IL15: variants seen among roughly 807,000 people sequenced by gnomAD.
IL15 encodes interleukin-15.
In IL15, 11 loss-of-function variants were observed where a neutral mutation model predicts 19.6. The ratio of observed to expected loss-of-function variants is 0.56; its 90% confidence interval spans 0.35 to 0.93. The LOEUF (loss-of-function observed/expected upper bound fraction) is 0.93. IL15 is among the 40% of genes least tolerant of loss of function. The pLI, the probability that IL15 is intolerant of heterozygous loss-of-function variation, is 0.01. For missense variants in IL15, 197 were observed against 186.5 expected (o/e 1.06, Z -0.33); for synonymous variants, 58 against 59.6 (o/e 0.97, Z 0.12).
At chr4:141,658,861 AT>A (rs5862540) in intron 2 of IL15, among the ~76,000 whole-genome samples, 99,355 of 136,520 alleles carry the variant, frequency 0.73, 35,338 homozygotes, top group East Asian at 0.97. Flanking sequence ...GTTTCTTGGA[AT>A]TTTTTTTTTT....
At chr4:141,675,648 C>A (rs1417824841) in intron 2 of IL15, among the ~76,000 whole-genome samples, 1 of 152,126 alleles carries the variant, frequency 6.6e-6, no homozygotes, top group African/African-American at 2.4e-5. Flanking sequence ...TTCCAAGAAA[C>A]AGAAAAGTCA....
chr4:141,670,372 C>T (rs562754174), intron 2 of IL15, among the ~76,000 whole-genome samples: 8 of 152,026 alleles, frequency 5.3e-5, no homozygotes, highest in Admixed American at 1.3e-4. Context: ...GGGTTATAGC[C>T]TTTCAAAATT....
At chr4:141,675,444 TAA>T (rs1728311668) in intron 2 of IL15, among the ~76,000 whole-genome samples, 1 of 152,180 alleles carries the variant, frequency 6.6e-6, no homozygotes. Flanking sequence ...TCCAGCACTA[TAA>T]GTCTCTGCAT....
intron 2 of IL15, among the ~76,000 whole-genome samples, chr4:141,709,075 G>GA (rs1438607659): frequency 1.0e-5 from 1 of 99,236 alleles, no homozygotes; most frequent in African/African-American, 4.1e-5. Flanking sequence ...ATTCAATATT[G>GA]AAAATTTTCA....
At chr4:141,664,255 A>G (rs182336196) in intron 2 of IL15, among the ~76,000 whole-genome samples, 81 of 151,854 alleles carry the variant, frequency 5.3e-4, no homozygotes, top group African/African-American at 1.8e-3. Context: ...AACCTGTGAG[A>G]GTTTCTAACC....
chr4:141,655,943 T>A (rs1410163520), intron 1 of IL15, among the ~76,000 whole-genome samples: 1 of 152,176 alleles, frequency 6.6e-6, no homozygotes, highest in African/African-American at 2.4e-5. Context: ...GATATATGAT[T>A]TTTTTCTCCA....
intron 2 of IL15, among the ~76,000 whole-genome samples, chr4:141,703,342 C>A (rs1197274079): frequency 6.6e-6 from 1 of 152,120 alleles, no homozygotes; most frequent in African/African-American, 2.4e-5. Flanking sequence ...CTTCTTTTAC[C>A]CTGTGACCCC....
At chr4:141,725,985 T>A (rs1397800489) in intron 5 of IL15, among the ~76,000 whole-genome samples, 7 of 152,116 alleles carry the variant, frequency 4.6e-5, no homozygotes, top group Non-Finnish European at 8.8e-5. Context: ...CTGAATGTAC[T>A]CATGTGCTAG....
At chr4:141,637,239 C>T (rs547566574) in intron 1 of IL15, 2 of 152,530 alleles carry the variant, frequency 1.3e-5, no homozygotes, top group East Asian at 3.9e-4. Context: ...CGCAGCTCCC[C>T]ACTTCCTAAC....
At chr4:141,714,940 C>T (rs533629393) in intron 2 of IL15, 2 of 152,222 alleles carry the variant, frequency 1.3e-5, no homozygotes, top group South Asian at 4.1e-4. Flanking sequence ...TATCCAATGG[C>T]ATATTTGATA....
chr4:141,724,173 C>T (rs964341601), intron 5 of IL15, among the ~76,000 whole-genome samples: 1 of 151,778 alleles, frequency 6.6e-6, no homozygotes, highest in African/African-American at 2.4e-5. Context: ...ATACAACGGG[C>T]AAATCTCCAA....
chr4:141,690,316 G>C (rs939862046), intron 2 of IL15, among the ~76,000 whole-genome samples: 1 of 152,178 alleles, frequency 6.6e-6, no homozygotes, highest in Admixed American at 6.5e-5. Flanking sequence ...ACAGTGCATC[G>C]GTGGGCTGAA....
intron 2 of IL15, among the ~76,000 whole-genome samples, chr4:141,694,977 A>G (rs1729044233): frequency 6.6e-6 from 1 of 152,232 alleles, no homozygotes; most frequent in African/African-American, 2.4e-5. Flanking sequence ...CTCCATGTCC[A>G]TTACTATTTA....
intron 2 of IL15, among the ~76,000 whole-genome samples, chr4:141,700,399 A>G (rs1431430148): frequency 1.3e-5 from 2 of 152,168 alleles, no homozygotes; most frequent in African/African-American, 4.8e-5. Context: ...TGCTGGATAA[A>G]AAAAGTCTTA....
Position 141,642,884 on chromosome 4 carries a change from G to T in IL15, c.-222+6136G>T, listed in dbSNP as rs183354866. ...CACTTACATTTTGAGTAAGGGCAAT[G>T]TGCTCCATGTGCTTAGCAGAGGGTT... On this transcript the variant is annotated intron_variant, in intron 1 of 7. Coordinates refer to ENST00000320650, the MANE Select transcript of IL15 (RefSeq NM_000585.5). Among the ~76,000 whole-genome samples, 14 of 152,274 alleles carry T rather than the reference G, an allele frequency of 9.2e-5. No homozygotes were observed. In the East Asian group the frequency reaches 2.7e-3, roughly 29 times the overall value.
At chr4:141,676,880 G>A (rs1728366730) in intron 2 of IL15, among the ~76,000 whole-genome samples, 1 of 152,164 alleles carries the variant, frequency 6.6e-6, no homozygotes, top group South Asian at 2.1e-4. Flanking sequence ...ACAACTTAAT[G>A]GAGATGAATG....
At position 141,726,885 on chromosome 4, in the gene IL15, A is replaced by G. The variant is rs539154049; in HGVS notation, c.196-1055A>G. 7.4e-4 allele frequency among the ~76,000 whole-genome samples: 113 copies of G among 152,304 alleles called. 3 individuals are homozygous for G. In the Middle Eastern group the frequency reaches 0.01, roughly 14 times the overall value. On this transcript the variant is annotated intron_variant, in intron 5 of 7. Coordinates refer to ENST00000320650, the MANE Select transcript of IL15 (RefSeq NM_000585.5). ...TATTATCCAGTGATAAAAAGAAATAAGCTATCAAGCCATGAAAAGAAATGG... is the reference window on the plus strand; with the variant it reads ...TATTATCCAGTGATAAAAAGAAATAGGCTATCAAGCCATGAAAAGAAATGG...
intron 2 of IL15, among the ~76,000 whole-genome samples, chr4:141,693,905 A>T (rs528663830): frequency 1.3e-5 from 2 of 152,214 alleles, no homozygotes; most frequent in Non-Finnish European, 2.9e-5. Flanking sequence ...AGTTGGAAGA[A>T]TTGGTGAGGT....
intron 2 of IL15, among the ~76,000 whole-genome samples, chr4:141,712,392 T>A (rs1229684131): frequency 6.6e-6 from 1 of 151,992 alleles, no homozygotes. Flanking sequence ...CTAGCTGGGA[T>A]TTTTCAAAAA....
Sources: allele counts gnomAD v4.1 joint callset (sites outside exome capture counted in the v4.1 genomes callset), GRCh38; gene constraint gnomAD v4.1.1; transcripts MANE v1.5; gene names NCBI Gene and HGNC (gene_info 2026-07-23, HGNC 2026-07-21).